Variants in CADM3 observed in about 807,000 individuals in gnomAD.
CADM3 encodes TSLC1-like 1.
A neutral mutation model predicts 44.9 loss-of-function variants in CADM3; 11 were observed. The ratio of observed to expected loss-of-function variants is 0.25; its 90% CI spans 0.15 to 0.41. CADM3 has a LOEUF of 0.41. Ranked by LOEUF, CADM3 falls within the 10% of genes least tolerant of loss-of-function variation. CADM3 has a pLI of 1.00. For synonymous variants in CADM3, 207 were observed against 205.2 expected (o/e 1.01, Z -0.08); for missense variants, 426 against 512.0 (o/e 0.83, Z 1.62).
chr1:159,199,672 A>T, intron 7 of CADM3, 79 bp from the exon 8 acceptor site: 2 of 1,597,758 alleles, frequency 1.3e-6, no homozygotes, highest in South Asian at 2.2e-5. Context: ...GCTGTGTAAG[A>T]CTATTCATGG....
intron 8 of CADM3, 87 bp from the exon 9 acceptor site, chr1:159,200,717 T>C (rs1650148270): frequency 3.3e-6 from 3 of 897,842 alleles, no homozygotes; most frequent in Admixed American, 2.5e-5. Context: ...TTGAGCAGTG[T>C]GTGAGTGGGT....
rs1457063344 is a variant in CADM3, at chr1:159,196,386, G to A, written c.714G>A (p.Arg238=). Residue 238 remains arginine, a synonymous_variant, in exon 6 of 9, where the codon AGG becomes AGA. Transcript: ENST00000368125. ...CAGACACACCAACTGCGATGATTAG[G>A]CCAGACCCTCCCCATCCTCGTGAGG... ...EVLYTPTAMI[R]PDPPHPREGQ... 6.2e-7 allele frequency: 1 copy of A among 1,614,072 alleles called. No homozygotes were observed. Among genetic ancestry groups the A allele is most frequent in the Non-Finnish European group, 8.5e-7 (1 of 1,179,976 alleles).
Position 159,200,800 on chromosome 1 carries a change from A to G in CADM3, c.1079-4A>G. The G allele has an allele frequency of 1.9e-6, 3 of 1,596,672 alleles. No individual in the cohort carries two copies. The Middle Eastern group carries it at 5.0e-4, about 268-fold the overall frequency. On this transcript the variant is annotated splice_polypyrimidine_tract_variant and splice_region_variant and intron_variant, in intron 8 of 8. Coordinates refer to ENST00000368125, the MANE Select transcript of CADM3 (RefSeq NM_001127173.3). Reference sequence around the variant, plus strand: ...TGAGAGGAGAAGCCTCTGTCTCTACACAGGAACCTACCTGACACATGAGGC... The same window carrying G: ...TGAGAGGAGAAGCCTCTGTCTCTACGCAGGAACCTACCTGACACATGAGGC...
chr1:159,182,559 A>G (rs1282456005), intron 1 of CADM3, among the ~76,000 whole-genome samples: 1 of 152,218 alleles, frequency 6.6e-6, no homozygotes, highest in Non-Finnish European at 1.5e-5. Context: ...ATGATACTTA[A>G]TATCTTGTCA....
chr1:159,172,206 C>G lies in CADM3; in HGVS notation c.88+353C>G, dbSNP rs77541755. On this transcript the variant is annotated intron_variant, in intron 1 of 8. Transcript: ENST00000368125. ...TGGCTCTGCGTTTCTGTGTCAGTAT[C>G]TGTGTGTATGTCTGTGTCAGTGTGT... Among the ~76,000 whole-genome samples, 1,076 of 152,124 alleles carry G rather than the reference C, an allele frequency of 7.1e-3. 14 individuals carry two copies. The highest frequency in any genetic ancestry group is 0.024 in the African/African-American group (1,014 of 41,512).
chr1:159,177,814 C>A (rs1215605096), intron 1 of CADM3, among the ~76,000 whole-genome samples: 1 of 152,138 alleles, frequency 6.6e-6, no homozygotes, highest in Non-Finnish European at 1.5e-5. Flanking sequence ...CAAATGGCCT[C>A]AAAAGAACTG....
intron 1 of CADM3, among the ~76,000 whole-genome samples, chr1:159,172,391 C>G (rs1648850112): frequency 6.6e-6 from 1 of 152,152 alleles, no homozygotes; most frequent in African/African-American, 2.4e-5. Context: ...CGCGGCGCAG[C>G]TCCGAGTGGG....
chr1:159,184,557 C>T (rs1304680999), intron 1 of CADM3, among the ~76,000 whole-genome samples: 3 of 152,298 alleles, frequency 2.0e-5, no homozygotes, highest in East Asian at 1.9e-4. Context: ...TTCAGGAGAG[C>T]TCTGTCCTCC....
intron 8 of CADM3, among the ~76,000 whole-genome samples, 165 bp from the exon 9 acceptor site, chr1:159,200,639 A>G (rs1354493348): frequency 6.6e-6 from 1 of 152,232 alleles, no homozygotes; most frequent in African/African-American, 2.4e-5. Flanking sequence ...CAGGTGAGGC[A>G]TGTTGGAAGC....
chr1:159,191,908 G>A, intron 1 of CADM3, 28 bp from the exon 2 acceptor site: 2 of 1,613,436 alleles, frequency 1.2e-6, no homozygotes, highest in Non-Finnish European at 8.5e-7. Flanking sequence ...GGGGTCCTCA[G>A]GAAACTAACA....
chr1:159,189,907 C>T (rs1353445852), intron 1 of CADM3: 2 of 1,444,010 alleles, frequency 1.4e-6, no homozygotes, highest in South Asian at 1.2e-5. Flanking sequence ...CAATGTCCCT[C>T]AGTTCCCTCA....
At chr1:159,193,598 G>T in intron 4 of CADM3, 38 bp downstream of exon 4, 1 of 1,613,854 alleles carries the variant, frequency 6.2e-7, no homozygotes. Context: ...GGAGAAAGTG[G>T]TGCTGGAAAG....
chr1:159,175,102 C>T (rs1024867614), intron 1 of CADM3, among the ~76,000 whole-genome samples: 6 of 152,368 alleles, frequency 3.9e-5, no homozygotes, highest in African/African-American at 1.4e-4. Flanking sequence ...AGAAGTCCAG[C>T]AGGCATTCAC....
intron 1 of CADM3, chr1:159,189,859 G>T: frequency 6.2e-7 from 1 of 1,601,328 alleles, no homozygotes; most frequent in South Asian, 1.1e-5. Flanking sequence ...GCCCTGACAT[G>T]CTGGCCAGTC....
rs142275248 is a variant in CADM3 at position 159,200,870 on chromosome 1, A to G, written c.1145A>G (p.Asn382Ser). 55 of 1,611,166 alleles carry G rather than the reference A, an allele frequency of 3.4e-5. 1 individual carries two copies. The highest frequency in any genetic ancestry group is 2.4e-4 in the South Asian group (22 of 90,712). Reference protein sequence around the residue: ...DAPDADTAIINAEGGQSGGDD... With the variant: ...DAPDADTAIISAEGGQSGGDD... The stretch of plus-strand genomic sequence containing the variant: ...CCAGACGCGGACACGGCCATCATCA[A>G]TGCAGAAGGCGGGCAGTCAGGAGGG... The change falls in exon 9 of 9, where the codon AAT becomes AGT. Residue 382 changes from asparagine to serine, a missense_variant. This residue lies in a region of CADM3 where 362 missense variants were observed against 474.6 expected (regional missense o/e 0.76). Coordinates refer to ENST00000368125, the MANE Select transcript of CADM3 (RefSeq NM_001127173.3).
At chr1:159,200,038 AC>A (rs1650089152) in intron 8 of CADM3, among the ~76,000 whole-genome samples, 162 bp downstream of exon 8, 1 of 152,056 alleles carries the variant, frequency 6.6e-6, no homozygotes, top group South Asian at 2.1e-4. Flanking sequence ...ATCATTGCCA[AC>A]CCTGTGATAA....
intron 1 of CADM3, among the ~76,000 whole-genome samples, chr1:159,188,926 T>A (rs1649534608): frequency 6.6e-6 from 1 of 152,142 alleles, no homozygotes; most frequent in South Asian, 2.1e-4. Flanking sequence ...AGGAGCCACC[T>A]TATAGGAAGA....
chr1:159,181,618 T>C (rs1020140572), intron 1 of CADM3, among the ~76,000 whole-genome samples: 2 of 152,156 alleles, frequency 1.3e-5, no homozygotes, highest in African/African-American at 2.4e-5. Context: ...AGGAAGCAGC[T>C]AAGGCAAGGA....
At chr1:159,180,620 T>C (rs570827014) in intron 1 of CADM3, among the ~76,000 whole-genome samples, 5 of 151,476 alleles carry the variant, frequency 3.3e-5, no homozygotes, top group Non-Finnish European at 5.9e-5. Flanking sequence ...GGAGACTAAA[T>C]AGCAGTTAGG....
Sources: gnomAD v4.1 joint callset for allele counts (sites outside exome capture counted in the v4.1 genomes callset) on GRCh38, gnomAD v4.1.1 for gene constraint, gnomAD v4.1.1 regional missense constraint, MANE v1.5 for transcripts, NCBI Gene and HGNC (gene_info 2026-07-23, HGNC 2026-07-21) for gene names.